Variants in SPMIP2 observed in about 807,000 individuals in gnomAD.
SPMIP2 encodes the protein sperm microtubule inner protein 2, also known as protein SPMIP2.
chr4:158,914,201 A>T, the SPMIP2 span, among the ~76,000 whole-genome samples: 1 of 152,214 alleles, frequency 6.6e-6, no homozygotes, highest in Non-Finnish European at 1.5e-5. Flanking sequence ...CACACACTGC[A>T]ATAAATCATT....
At chr4:158,896,705 C>A in the SPMIP2 span, among the ~76,000 whole-genome samples, 1 of 151,454 alleles carries the variant, frequency 6.6e-6, no homozygotes. Flanking sequence ...TTCTTACATA[C>A]TTTATTTACA....
At chr4:158,925,089 CT>C in the SPMIP2 span, among the ~76,000 whole-genome samples, 3 of 152,018 alleles carry the variant, frequency 2.0e-5, no homozygotes, top group African/African-American at 7.2e-5. Flanking sequence ...GTTTATTTTT[CT>C]GGAAACAGTT....
At chr4:159,051,930 A>C in the SPMIP2 span, among the ~76,000 whole-genome samples, 1 of 151,812 alleles carries the variant, frequency 6.6e-6, no homozygotes, top group Non-Finnish European at 1.5e-5. Context: ...CTTCACAGGC[A>C]TCTCCCCCTC....
At chr4:158,985,682 G>A in the SPMIP2 span, among the ~76,000 whole-genome samples, 63 of 152,166 alleles carry the variant, frequency 4.1e-4, no homozygotes, top group Middle Eastern at 0.014. Context: ...ATATCATACT[G>A]AATGGGCAAA....
At chr4:158,980,306 C>T in the SPMIP2 span, among the ~76,000 whole-genome samples, 20 of 152,208 alleles carry the variant, frequency 1.3e-4, no homozygotes, top group East Asian at 5.8e-4. Flanking sequence ...CCCTGCCTGC[C>T]GGCTCTGAAG....
the SPMIP2 span, among the ~76,000 whole-genome samples, chr4:158,896,330 CTT>C: frequency 6.6e-6 from 1 of 152,218 alleles, no homozygotes; most frequent in South Asian, 2.1e-4. Flanking sequence ...GGGGACAGTG[CTT>C]TCCTTCCTTT....
chr4:158,972,547 A>G, the SPMIP2 span, among the ~76,000 whole-genome samples: 1 of 152,220 alleles, frequency 6.6e-6, no homozygotes, highest in Admixed American at 6.5e-5. Context: ...CTTCTGTTTC[A>G]GGGGAGACAC....
At chr4:158,974,447 A>T in the SPMIP2 span, among the ~76,000 whole-genome samples, 3 of 152,066 alleles carry the variant, frequency 2.0e-5, no homozygotes, top group Admixed American at 1.3e-4. Context: ...TCCCAATGCT[A>T]TCCATCCCCT....
chr4:158,923,423 T>C, the SPMIP2 span, among the ~76,000 whole-genome samples: 1 of 152,196 alleles, frequency 6.6e-6, no homozygotes, highest in Non-Finnish European at 1.5e-5. Context: ...CAATGATGTT[T>C]TGTTTTCAGT....
chr4:158,910,015 C>T, the SPMIP2 span, among the ~76,000 whole-genome samples: 2 of 151,750 alleles, frequency 1.3e-5, no homozygotes, highest in Non-Finnish European at 2.9e-5. Context: ...GCACTCCAGC[C>T]TGAGCAACAG....
At chr4:159,037,756 G>C in the SPMIP2 span, among the ~76,000 whole-genome samples, 3 of 150,878 alleles carry the variant, frequency 2.0e-5, no homozygotes, top group African/African-American at 7.3e-5. Context: ...CTGGGTGACA[G>C]AGTGAGACCT....
chr4:159,007,828 T>G, the SPMIP2 span: 1 of 560,278 alleles, frequency 1.8e-6, no homozygotes, highest in South Asian at 1.4e-5. Flanking sequence ...AAGCCATCTA[T>G]GCACTGAATC....
chr4:159,059,333 T>C, the SPMIP2 span, among the ~76,000 whole-genome samples: 1 of 152,214 alleles, frequency 6.6e-6, no homozygotes, highest in East Asian at 1.9e-4. Context: ...TGGAATCAAA[T>C]ATTTTTAATG....
chr4:159,081,585 G>A, the SPMIP2 span, among the ~76,000 whole-genome samples: 1 of 151,840 alleles, frequency 6.6e-6, no homozygotes, highest in Non-Finnish European at 1.5e-5. Flanking sequence ...TAGCTACTTC[G>A]GAGGCTGAGA....
chr4:158,950,593 G>A, the SPMIP2 span, among the ~76,000 whole-genome samples: 7 of 152,072 alleles, frequency 4.6e-5, no homozygotes, highest in Admixed American at 1.3e-4. Flanking sequence ...GAATTGAGTC[G>A]GTCTTCAAAA....
At chr4:159,075,947 T>TC in the SPMIP2 span, among the ~76,000 whole-genome samples, 1 of 152,164 alleles carries the variant, frequency 6.6e-6, no homozygotes. Flanking sequence ...TAATTTTTTT[T>TC]CCATGTAATC....
chr4:158,970,561 AAG>A, the SPMIP2 span, among the ~76,000 whole-genome samples: 1 of 151,552 alleles, frequency 6.6e-6, no homozygotes, highest in African/African-American at 2.4e-5. Flanking sequence ...ACAAAAAAAA[AAG>A]ATTTTGATCT....
the SPMIP2 span, among the ~76,000 whole-genome samples, chr4:159,062,847 C>G: frequency 2.0e-5 from 3 of 151,628 alleles, no homozygotes; most frequent in African/African-American, 7.3e-5. Flanking sequence ...CACCACCAGG[C>G]CTGGCTAATT....
the SPMIP2 span, among the ~76,000 whole-genome samples, chr4:159,001,968 C>G: frequency 2.0e-5 from 3 of 152,288 alleles, no homozygotes; most frequent in Admixed American, 1.3e-4. Context: ...AACAAGTGTT[C>G]CCTTTGCTCT....
Sources: allele counts gnomAD v4.1 joint callset (sites outside exome capture counted in the v4.1 genomes callset), GRCh38; gene constraint gnomAD v4.1.1; transcripts MANE v1.5; gene names NCBI Gene and HGNC (gene_info 2026-07-23, HGNC 2026-07-21).